ZNF345: variants seen among roughly 807,000 people sequenced by gnomAD.
ZNF345 encodes zinc finger protein HZF10.
For missense variants in ZNF345, 527 were observed against 589.9 expected (o/e 0.89, Z 1.10); for synonymous variants, 166 against 187.9 (o/e 0.88, Z 0.95).
chr19:36,855,693 A>G (rs1334980661), intron 2 of ZNF345, among the ~76,000 whole-genome samples: 2 of 147,848 alleles, frequency 1.4e-5, no homozygotes, highest in African/African-American at 2.5e-5. Context: ...CTCAGGTGAT[A>G]CACTCACCTC....
intron 2 of ZNF345, among the ~76,000 whole-genome samples, chr19:36,855,875 C>A (rs1311515556): frequency 1.3e-5 from 2 of 152,168 alleles, no homozygotes; most frequent in Non-Finnish European, 2.9e-5. Flanking sequence ...CACATATTGT[C>A]TTCATTGGGA....
Position 36,877,301 on chromosome 19 carries a change from T to C in ZNF345, c.471T>C (p.Phe157=), listed in dbSNP as rs1349153686. 1.9e-6 allele frequency: 3 copies of C among 1,613,918 alleles called. No individual in the cohort carries two copies. The highest frequency in any genetic ancestry group is 2.7e-5 in the African/African-American group (2 of 74,878). ...ECKECGKAFS[F]GSGLIRHQII... ...AGGAATGTGGGAAAGCCTTTAGTTT[T>C]GGATCAGGCCTTATTCGACATCAGA... Residue 157 remains phenylalanine, a synonymous_variant, in exon 3 of 3, where the codon TTT becomes TTC. Transcript: ENST00000420450.
At chr19:36,892,920 G>A in exon 4 of ZNF345, 2 of 1,047,922 alleles carry the variant, frequency 1.9e-6, no homozygotes, top group African/African-American at 1.7e-5. Context: ...CAGGGGTTAA[G>A]CTGGAGGGCC....
intron 2 of ZNF345, among the ~76,000 whole-genome samples, chr19:36,862,042 G>A (rs910979560): frequency 2.7e-5 from 4 of 150,878 alleles, no homozygotes; most frequent in Admixed American, 2.6e-4. Context: ...TGTATTTTTA[G>A]TAGAGACGGG....
At chr19:36,861,520 G>C (rs188440104) in intron 2 of ZNF345, among the ~76,000 whole-genome samples, 5 of 151,974 alleles carry the variant, frequency 3.3e-5, no homozygotes, top group Non-Finnish European at 7.4e-5. Context: ...TACTAAGTAG[G>C]GTTCAGTATT....
chr19:36,859,092 T>A (rs1463287295), intron 2 of ZNF345, among the ~76,000 whole-genome samples: 134 of 142,776 alleles, frequency 9.4e-4, no homozygotes, highest in Admixed American at 4.1e-3. Context: ...GTCTTCTTTT[T>A]AAAAAAAAAA....
chr19:36,855,447 CTTT>C (rs34265794), intron 2 of ZNF345, among the ~76,000 whole-genome samples: 4 of 58,584 alleles, frequency 6.8e-5, no homozygotes, highest in Non-Finnish European at 8.8e-5. Context: ...CGAGCCTGGC[CTTT>C]TTTTTTTTTT....
intron 3 of ZNF345, chr19:36,889,379 C>G (rs977336804): frequency 6.6e-6 from 1 of 152,098 alleles, no homozygotes; most frequent in East Asian, 1.9e-4. Context: ...ACTAGTTCTT[C>G]CTTGCATGTC....
At chr19:36,875,214 T>A (rs923064387) in intron 2 of ZNF345, among the ~76,000 whole-genome samples, 5 of 152,014 alleles carry the variant, frequency 3.3e-5, no homozygotes, top group African/African-American at 1.2e-4. Context: ...TTACCTATTA[T>A]CAAAACAAAA....
chr19:36,855,330 T>C (rs1463899497), intron 2 of ZNF345, among the ~76,000 whole-genome samples: 1 of 151,016 alleles, frequency 6.6e-6, no homozygotes. Context: ...TTTGTATTTT[T>C]AGTAGAGACG....
At chr19:36,857,108 T>G (rs2072435641) in intron 2 of ZNF345, among the ~76,000 whole-genome samples, 1 of 152,100 alleles carries the variant, frequency 6.6e-6, no homozygotes, top group Non-Finnish European at 1.5e-5. Context: ...ATGTTAACAT[T>G]TATCTTTATC....
intron 3 of ZNF345, chr19:36,889,238 G>A (rs2073027276): frequency 6.6e-6 from 1 of 152,064 alleles, no homozygotes; most frequent in Non-Finnish European, 1.5e-5. Flanking sequence ...TTTCATCAGG[G>A]ATATTGGCTT....
In ZNF345 at chr19:36,877,699, A is replaced by G; in HGVS notation, c.869A>G (p.Glu290Gly). ...HTGEKPYVCK[E>G]CGKAFNSGSD... ...GGTGAGAAACCTTATGTATGTAAGGAATGTGGGAAGGCTTTTAATAGTGGC... is the reference window on the plus strand; with the variant it reads ...GGTGAGAAACCTTATGTATGTAAGGGATGTGGGAAGGCTTTTAATAGTGGC... Residue 290 changes from glutamate (E) to glycine (G), a missense_variant, in exon 3 of 3, where the codon GAA becomes GGA. Physicochemically the swap from Glu to Gly is moderately conservative, Grantham distance 98 (BLOSUM62 -2). Transcript: ENST00000420450. 6.2e-7 allele frequency: 1 copy of G among 1,614,174 alleles called. No homozygotes were observed.
rs922512209 is a variant in ZNF345, at chr19:36,850,910, T to G, written c.-180T>G. ...CAAGCGGCCTTGGGGCTTTGTGAGA[T>G]AGCTAGGGTCGACTTGTGTGGATTC... On this transcript the variant is annotated 5_prime_UTR_variant, in exon 1 of 3. Transcript: ENST00000420450. 6.6e-6 allele frequency: 1 copy of G among 152,242 alleles called. No homozygotes were observed. The highest frequency in any genetic ancestry group is 1.5e-5 in the Non-Finnish European group (1 of 68,016). 9.4% of individuals were successfully genotyped at this position (152,242 alleles called of 1,614,324 possible). A position where few individuals can be genotyped will look rare whatever the true frequency, so the allele number is the denominator to read the frequency against.
At chr19:36,884,071 T>G (rs1178263716), downstream of ZNF345, among the ~76,000 whole-genome samples, 3 of 152,190 alleles carry the variant, frequency 2.0e-5, no homozygotes, top group Admixed American at 2.0e-4. Flanking sequence ...CTTATTTATT[T>G]TTATTTTTTT....
intron 2 of ZNF345, among the ~76,000 whole-genome samples, chr19:36,862,017 C>T (rs1228261342): frequency 6.6e-6 from 1 of 151,990 alleles, no homozygotes; most frequent in Non-Finnish European, 1.5e-5. Context: ...TCCACCACCA[C>T]ACCTGGCTAA....
chr19:36,853,726 A>C (rs995529114), intron 2 of ZNF345, among the ~76,000 whole-genome samples: 1 of 152,180 alleles, frequency 6.6e-6, no homozygotes, highest in Non-Finnish European at 1.5e-5. Context: ...TCAAGTGAAC[A>C]TATATGTCTA....
At chr19:36,863,824 A>C (rs2072605418) in intron 2 of ZNF345, among the ~76,000 whole-genome samples, 1 of 152,234 alleles carries the variant, frequency 6.6e-6, no homozygotes, top group African/African-American at 2.4e-5. Flanking sequence ...ATGGTCAAGT[A>C]CAGCAACTAT....
intron 3 of ZNF345, chr19:36,891,696 T>C (rs750022943): frequency 1.2e-6 from 2 of 1,613,968 alleles, no homozygotes; most frequent in African/African-American, 2.7e-5. Flanking sequence ...GAATAAGTTC[T>C]GAGCTCTGAA....
Sources: allele counts gnomAD v4.1 joint callset (sites outside exome capture counted in the v4.1 genomes callset), GRCh38; gene constraint gnomAD v4.1.1; transcripts MANE v1.5; gene names NCBI Gene and HGNC (gene_info 2026-07-23, HGNC 2026-07-21).